The following SHLD1 variants were observed in gnomAD, a reference collection of about 807,000 sequenced individuals.
SHLD1 encodes the protein RINN1-REV7-interacting novel NHEJ regulator 3.
SHLD1 carries 3 observed loss-of-function variants against 5.5 expected under a neutral mutation model. The observed-to-expected ratio is 0.54, with a 90% CI of 0.25 to 1.40. SHLD1 has a LOEUF of 1.40. Among genes scored for constraint, SHLD1 ranks in the 40% most tolerant of loss-of-function variants. The pLI is 0.15. For synonymous variants in SHLD1, 92 were observed against 94.3 expected (o/e 0.98, Z 0.14); for missense variants, 210 against 244.4 (o/e 0.86, Z 0.94).
chr20:5,799,895 C>A (rs1194791140), intron 2 of SHLD1, among the ~76,000 whole-genome samples: 1 of 152,128 alleles, frequency 6.6e-6, no homozygotes, highest in Non-Finnish European at 1.5e-5. Flanking sequence ...GGCATTGGAA[C>A]CATACTTGTG....
At chr20:5,800,911 A>G (rs2087284283) in intron 2 of SHLD1, among the ~76,000 whole-genome samples, 1 of 152,082 alleles carries the variant, frequency 6.6e-6, no homozygotes, top group East Asian at 1.9e-4. Context: ...TGGATCAGAA[A>G]TTTTGAGCAT....
chr20:5,851,828 T>C (rs913933375), intron 2 of SHLD1, among the ~76,000 whole-genome samples: 1 of 152,006 alleles, frequency 6.6e-6, no homozygotes, highest in South Asian at 2.1e-4. Flanking sequence ...GGGGCATTTT[T>C]AAATTTTTAA....
chr20:5,827,614 C>T (rs2087681639), intron 2 of SHLD1, among the ~76,000 whole-genome samples: 1 of 152,186 alleles, frequency 6.6e-6, no homozygotes, highest in African/African-American at 2.4e-5. Flanking sequence ...GCAGCCTGCT[C>T]ACCAAATACA....
At chr20:5,861,180 A>T (rs1372001927) in intron 2 of SHLD1, among the ~76,000 whole-genome samples, 1 of 152,198 alleles carries the variant, frequency 6.6e-6, no homozygotes, top group Non-Finnish European at 1.5e-5. Flanking sequence ...CTGCTTCTCC[A>T]TTGCGTGGTC....
At chr20:5,767,598 C>G (rs1380815213) in intron 1 of SHLD1, among the ~76,000 whole-genome samples, 2 of 152,172 alleles carry the variant, frequency 1.3e-5, no homozygotes, top group African/African-American at 4.8e-5. Context: ...CATGAGATTG[C>G]CTGCCACCAG....
intron 1 of SHLD1, among the ~76,000 whole-genome samples, chr20:5,760,892 AC>A (rs1389521145): frequency 6.6e-6 from 1 of 152,012 alleles, no homozygotes; most frequent in African/African-American, 2.4e-5. Flanking sequence ...CACCTAGAGC[AC>A]AGCCAATCTG....
intron 1 of SHLD1, among the ~76,000 whole-genome samples, chr20:5,770,815 G>A (rs756180849): frequency 2.5e-4 from 38 of 152,286 alleles, no homozygotes; most frequent in Middle Eastern, 3.4e-3. Flanking sequence ...CTAGTCAAGC[G>A]GCTGAAGCAA....
intron 2 of SHLD1, among the ~76,000 whole-genome samples, chr20:5,796,223 A>T (rs2087210089): frequency 6.6e-6 from 1 of 152,188 alleles, no homozygotes; most frequent in Non-Finnish European, 1.5e-5. Flanking sequence ...ACATTTTTAT[A>T]GCTGTTTATT....
At chr20:5,775,556 T>G (rs548912070) in intron 2 of SHLD1, among the ~76,000 whole-genome samples, 1 of 152,286 alleles carries the variant, frequency 6.6e-6, no homozygotes, top group South Asian at 2.1e-4. Flanking sequence ...GTTAAAAATA[T>G]GGATATTCTA....
intron 1 of SHLD1, among the ~76,000 whole-genome samples, chr20:5,763,979 C>T (rs1984629457): frequency 7.2e-6 from 1 of 138,062 alleles, no homozygotes; most frequent in African/African-American, 2.6e-5. Context: ...ATAGAAAAAT[C>T]AGCTGGGCAT....
chr20:5,816,340 T>C (rs755580753), intron 2 of SHLD1, among the ~76,000 whole-genome samples: 1 of 152,218 alleles, frequency 6.6e-6, no homozygotes, highest in African/African-American at 2.4e-5. Flanking sequence ...TCACTGAAGA[T>C]TCCCCTTCAG....
chr20:5,752,147 A>T (rs1983787289), intron 1 of SHLD1, among the ~76,000 whole-genome samples: 1 of 152,156 alleles, frequency 6.6e-6, no homozygotes, highest in African/African-American at 2.4e-5. Flanking sequence ...TGTAATCTCA[A>T]CGCTTTGTGA....
chr20:5,855,862 C>T lies in SHLD1; in HGVS notation c.179-7162C>T, dbSNP rs1313938850. ...TCTTTCATCCTCATCCTTTTGAAAT[C>T]AGGCTTGGCCATATGACTTCACGTT... is the stretch of plus-strand genomic sequence containing the variant. On this transcript the variant is annotated intron_variant, in intron 2 of 2. Transcript: ENST00000303142. This position sits in a 1 kb window ranked among gnomAD's most constrained non-coding sequence, Gnocchi z 4.4. Among the ~76,000 whole-genome samples the T allele has an allele frequency of 6.6e-6, 1 of 152,212 alleles. No homozygotes were observed. The highest frequency in any genetic ancestry group is 1.5e-5 in the Non-Finnish European group (1 of 68,046).
intron 2 of SHLD1, among the ~76,000 whole-genome samples, chr20:5,814,863 G>A (rs2087508730): frequency 6.6e-6 from 1 of 151,690 alleles, no homozygotes; most frequent in Non-Finnish European, 1.5e-5. Context: ...ATGTTGCCCA[G>A]GCTGGTCTCG....
chr20:5,851,377 G>A (rs2088006675), intron 2 of SHLD1, among the ~76,000 whole-genome samples: 1 of 151,902 alleles, frequency 6.6e-6, no homozygotes, highest in Admixed American at 6.6e-5. Flanking sequence ...TGCAGTTCTA[G>A]CTACTCAGGA....
chr20:5,844,797 A>ATTTTTTTT (rs1332769444), intron 2 of SHLD1, among the ~76,000 whole-genome samples: 1 of 95,184 alleles, frequency 1.1e-5, no homozygotes, highest in African/African-American at 4.0e-5. Context: ...ATATATATAT[A>ATTTTTTTT]TATTTTTTTT....
At chr20:5,815,645 A>G (rs2087519681) in intron 2 of SHLD1, among the ~76,000 whole-genome samples, 1 of 152,234 alleles carries the variant, frequency 6.6e-6, no homozygotes, top group South Asian at 2.1e-4. Flanking sequence ...GGCCCTATAC[A>G]GGAAAAGTTT....
chr20:5,826,720 G>A (rs144924752), intron 2 of SHLD1, among the ~76,000 whole-genome samples: 3 of 152,190 alleles, frequency 2.0e-5, no homozygotes, highest in African/African-American at 4.8e-5. Flanking sequence ...TACTAGTTTG[G>A]GATGTTGACC....
At chr20:5,844,674 T>C (rs533404179) in intron 2 of SHLD1, among the ~76,000 whole-genome samples, 2 of 152,008 alleles carry the variant, frequency 1.3e-5, no homozygotes, top group East Asian at 3.9e-4. Context: ...GCAGTAGCTA[T>C]TGGTAAGGCT....
Sources: gnomAD v4.1 joint callset for allele counts (sites outside exome capture counted in the v4.1 genomes callset) on GRCh38, gnomAD v4.1.1 for gene constraint, Gnocchi (gnomAD v3.1) non-coding constraint, MANE v1.5 for transcripts, NCBI Gene and HGNC (gene_info 2026-07-23, HGNC 2026-07-21) for gene names.